Variants in C1QTNF9B observed in about 807,000 individuals in gnomAD.
C1QTNF9B encodes the protein C1q and TNF related 9B.
A neutral mutation model predicts 10.1 loss-of-function variants in C1QTNF9B; 9 were observed. The observed-to-expected ratio is 0.89, with a 90% confidence interval of 0.53 to 1.55. The LOEUF (loss-of-function observed/expected upper bound fraction) is 1.55, where lower values mean the gene tolerates loss of function less well. Ranked by LOEUF, C1QTNF9B falls within the 40% of genes most tolerant of loss-of-function variation. C1QTNF9B has a pLI of 0.00. For synonymous variants in C1QTNF9B, 79 were observed against 159.9 expected, an observed-to-expected ratio of 0.49 and a Z score of 3.82; for missense variants, 196 against 414.4, an observed-to-expected ratio of 0.47 and a Z score of 4.58.
At chr13:23,894,568 G>A (rs1266545717) in intron 1 of C1QTNF9B, 3 of 516,540 alleles carry the variant, frequency 5.8e-6, no homozygotes, top group Admixed American at 2.3e-5. Flanking sequence ...AATGTTGGAG[G>A]TGCGAGGAGG....
chr13:23,897,124 G>A (rs558014120), upstream of C1QTNF9B: 77 of 1,246,362 alleles, frequency 6.2e-5, no homozygotes, highest in African/African-American at 1.1e-3. Context: ...ACCCACACCT[G>A]GACAGACTTG....
chr13:23,894,603 T>C (rs1344151441), intron 1 of C1QTNF9B: 1 of 479,198 alleles, frequency 2.1e-6, no homozygotes, highest in African/African-American at 2.0e-5. Context: ...TTCTCTTCCA[T>C]TACTCTTGAG....
chr13:23,894,488 G>A (rs1211142840), intron 1 of C1QTNF9B: 2 of 611,230 alleles, frequency 3.3e-6, no homozygotes, highest in Non-Finnish European at 6.1e-6. Flanking sequence ...GAGGGAGTGT[G>A]TGCAATGGGG....
chr13:23,894,248 G>A, intron 1 of C1QTNF9B, 47 bp from the exon 4 acceptor site: 2 of 1,389,364 alleles, frequency 1.4e-6, no homozygotes, highest in South Asian at 2.3e-5. Flanking sequence ...TTCCATTTCT[G>A]ATTTTTCTGG....
chr13:23,893,592 C>A (rs1809384461), intron 2 of C1QTNF9B, among the ~76,000 whole-genome samples: 1 of 152,170 alleles, frequency 6.6e-6, no homozygotes, highest in Admixed American at 6.5e-5. Context: ...CCCATCTCAG[C>A]CTCCTGAGTA....
chr13:23,895,211 T>C, intron 1 of C1QTNF9B, among the ~76,000 whole-genome samples: 1 of 151,894 alleles, frequency 6.6e-6, no homozygotes, highest in East Asian at 1.9e-4. Flanking sequence ...TTCCCTCTTT[T>C]TGTTCCCCTG....
chr13:23,897,025 A>G (rs756451157), upstream of C1QTNF9B: 1 of 1,612,692 alleles, frequency 6.2e-7, no homozygotes, highest in South Asian at 1.1e-5. Flanking sequence ...GGGAAACAGA[A>G]ACCCAGAGGA....
At chr13:23,894,021 G>T (rs1159989721) in intron 2 of C1QTNF9B, 118 bp downstream of exon 4, 4 of 1,272,664 alleles carry the variant, frequency 3.1e-6, no homozygotes, top group Non-Finnish European at 4.5e-6. Context: ...CATCTGGAGA[G>T]TAAGAACTGT....
At chr13:23,896,034 G>C (rs1211524997) in intron 1 of C1QTNF9B, among the ~76,000 whole-genome samples, 1 of 152,244 alleles carries the variant, frequency 6.6e-6, no homozygotes, top group Non-Finnish European at 1.5e-5. Context: ...ATGCCATAAA[G>C]TGAGACATGT....
chr13:23,894,855 C>T (rs1281466024), intron 1 of C1QTNF9B, among the ~76,000 whole-genome samples: 4 of 152,296 alleles, frequency 2.6e-5, no homozygotes, highest in Middle Eastern at 3.4e-3. Context: ...TATCCGTCAG[C>T]GGGTTGAAGG....
At chr13:23,891,374 G>A (rs1236675981) in exon 3 of C1QTNF9B, 1 of 1,580,650 alleles carries the variant, frequency 6.3e-7, no homozygotes, top group African/African-American at 1.4e-5. Context: ...CTCTCCTCCT[G>A]TCACCTGCAG....
At chr13:23,892,839 A>G (rs200015757) in intron 2 of C1QTNF9B, among the ~76,000 whole-genome samples, 671 of 144,262 alleles carry the variant, frequency 4.7e-3, no homozygotes, top group East Asian at 0.019. Flanking sequence ...ATCCATGACA[A>G]AAAGCACTCT....
intron 1 of C1QTNF9B, chr13:23,894,429 A>G (rs12866374): frequency 0.31 from 195,995 of 625,504 alleles, 28,332 homozygotes; most frequent in East Asian, 0.34. Flanking sequence ...TGACTTCCCA[A>G]GCGCCCATCT....
chr13:23,897,215 CCACT>C (rs1156235495), upstream of C1QTNF9B: 7 of 542,974 alleles, frequency 1.3e-5, no homozygotes, highest in African/African-American at 1.3e-4. Flanking sequence ...GTGATTGGAA[CCACT>C]CTTCAAGCTG....
At chr13:23,896,966 C>T (rs1234164553) in exon 1 of C1QTNF9B, 1 of 1,613,794 alleles carries the variant, frequency 6.2e-7, no homozygotes, top group Non-Finnish European at 8.5e-7. Context: ...CAATGGCAAG[C>T]AGAAGCCACC....
Position 23,891,108 on chromosome 13 carries a change from A to C in C1QTNF9B, c.*181T>G, listed in dbSNP as rs1871894290. On this transcript the variant is annotated 3_prime_UTR_variant, in exon 3 of 3. Transcript: ENST00000382137. ...TAGAATAAACCATGCAGCTATTTTA[A>C]ATATTTACTCCTGGAAAAATAGTAA... is the stretch of plus-strand genomic sequence containing the variant. The C allele has an allele frequency of 7.4e-6, 4 of 542,342 alleles. 1 individual carries two copies. Among genetic ancestry groups the C allele is most frequent in the Non-Finnish European group, 9.0e-6 (3 of 333,422 alleles). The allele number at this position is 542,342 out of a possible 1,614,324, so 33.6% of individuals were successfully genotyped here. A position where few individuals can be genotyped will look rare whatever the true frequency, so the allele number is the denominator to read the frequency against.
chr13:23,894,259 C>A, intron 1 of C1QTNF9B, 58 bp from the exon 4 acceptor site: 1 of 1,304,096 alleles, frequency 7.7e-7, no homozygotes, highest in Non-Finnish European at 1.1e-6. Flanking sequence ...ATTTTTCTGG[C>A]CATTGGTCTC....
chr13:23,894,988 G>A (rs927106118), intron 1 of C1QTNF9B, among the ~76,000 whole-genome samples: 4 of 152,200 alleles, frequency 2.6e-5, no homozygotes, highest in South Asian at 2.1e-4. Context: ...GGCGACAGGC[G>A]CAGGCTGGGC....
At chr13:23,893,277 ACAT>A (rs1872079643) in intron 2 of C1QTNF9B, among the ~76,000 whole-genome samples, 1 of 152,190 alleles carries the variant, frequency 6.6e-6, no homozygotes, top group Admixed American at 6.5e-5. Flanking sequence ...CACTACGACT[ACAT>A]CCCAACCCAT....
Sources: allele counts gnomAD v4.1 joint callset (sites outside exome capture counted in the v4.1 genomes callset), GRCh38; gene constraint gnomAD v4.1.1; transcripts MANE v1.5; gene names NCBI Gene and HGNC (gene_info 2026-07-23, HGNC 2026-07-21).